ALX3: variants seen among roughly 807,000 people sequenced by gnomAD.
ALX3 encodes the protein ALX homeobox 3.
Under a neutral mutation model 26.3 loss-of-function variants are expected in ALX3, and 17 were observed. The observed-to-expected ratio is 0.65, with a 90% CI of 0.44 to 0.97. The LOEUF (loss-of-function observed/expected upper bound fraction) is 0.97, where lower values mean the gene tolerates loss of function less well. Among genes scored for constraint, ALX3 ranks in the 50% least tolerant of loss-of-function variants. ALX3 has a pLI of 0.00. For missense variants in ALX3, 461 were observed against 466.5 expected, an observed-to-expected ratio of 0.99 and a Z score of 0.11; for synonymous variants, 208 against 201.4, an observed-to-expected ratio of 1.03 and a Z score of -0.28.
intron 2 of ALX3, chr1:110,062,065 GCCCCT>G (rs1653662002): frequency 6.3e-6 from 1 of 157,812 alleles, no homozygotes; most frequent in Non-Finnish European, 1.4e-5. Context: ...TCTTAACAAG[GCCCCT>G]GCCTCTCTGC....
At chr1:110,061,291 AG>A in intron 3 of ALX3, 143 bp downstream of exon 3, 1 of 1,325,286 alleles carries the variant, frequency 7.5e-7, no homozygotes, top group Non-Finnish European at 1.0e-6. Context: ...GACAGGCAAG[AG>A]CCCCGGTTTG....
At chr1:110,064,295 AC>A in intron 2 of ALX3, among the ~76,000 whole-genome samples, 1 of 152,174 alleles carries the variant, frequency 6.6e-6, no homozygotes, top group East Asian at 1.9e-4. Context: ...CTATTAACAT[AC>A]CCCAAATCAC....
At chr1:110,068,462 C>T (rs915746305) in intron 1 of ALX3, among the ~76,000 whole-genome samples, 3 of 152,236 alleles carry the variant, frequency 2.0e-5, no homozygotes, top group African/African-American at 7.2e-5. Context: ...CTAGCGGCCG[C>T]CAGGATCTCT....
At position 110,064,799 on chromosome 1, in the gene ALX3, A is replaced by T. The variant is rs1011257958; in HGVS notation, c.382T>A (p.Cys128Ser). ...AGAGGAAGATGCAGGCTGGCCAGGCAGGGGCCTGGGGAGCCTTGCAAGTTA... is the reference window on the plus strand; with the variant it reads ...AGAGGAAGATGCAGGCTGGCCAGGCTGGGGCCTGGGGAGCCTTGCAAGTTA... Reference protein sequence around the residue: ...PSNLQGSPGPCLASLHLPLSP... With the variant: ...PSNLQGSPGPSLASLHLPLSP... Residue 128 changes from cysteine (C) to serine (S), a missense_variant, in exon 2 of 4, where the codon TGC (cysteine) becomes AGC (serine). By Grantham distance (112) the Cys-to-Ser change is moderately radical. Transcript: ENST00000647563. The T allele has an allele frequency of 6.2e-6, 10 of 1,614,094 alleles. No homozygotes were observed. Among genetic ancestry groups the T allele is most frequent in the Non-Finnish European group, 8.5e-6 (10 of 1,180,034 alleles).
intron 3 of ALX3, 139 bp downstream of exon 3, chr1:110,061,296 C>A: frequency 1.5e-6 from 2 of 1,351,228 alleles, no homozygotes; most frequent in Non-Finnish European, 1.0e-6. Context: ...GCAAGAGCCC[C>A]GGTTTGCAGA....
At position 110,064,954 on chromosome 1, in the gene ALX3, G is replaced by A. The variant is rs1344088306; in HGVS notation, c.278-51C>T. ...GATGGCAACTGAACCAGGGGCTTTT[G>A]TGGGTTGGAATGGAGGGAGGGGGAA... is the stretch of plus-strand genomic sequence containing the variant. On this transcript the variant is annotated intron_variant, in intron 1 of 3. Coordinates refer to ENST00000647563, the MANE Select transcript of ALX3 (RefSeq NM_006492.3). 2.0e-6 allele frequency: 3 copies of A among 1,529,320 alleles called. No individual in the cohort carries two copies. The South Asian group carries it at 3.8e-5, about 19-fold the overall frequency. The allele number at this position is 1,529,320 out of a possible 1,614,324, so 94.7% of individuals were successfully genotyped here.
chr1:110,066,579 C>CCG (rs1553196625), intron 1 of ALX3, among the ~76,000 whole-genome samples: 1 of 126,316 alleles, frequency 7.9e-6, no homozygotes, highest in South Asian at 3.5e-4. Context: ...ACATCCCCCC[C>CCG]CCCCGCCCCC....
At chr1:110,062,526 T>C (rs1016648676) in intron 2 of ALX3, 15 of 150,940 alleles carry the variant, frequency 9.9e-5, no homozygotes, top group African/African-American at 3.7e-4. Context: ...AATTTAACAA[T>C]GTCAAAATAA....
intron 2 of ALX3, chr1:110,062,443 A>G (rs1253361591): frequency 6.6e-6 from 1 of 152,216 alleles, no homozygotes; most frequent in Non-Finnish European, 1.5e-5. Flanking sequence ...TGACTGTTAC[A>G]TTTAACTGTA....
chr1:110,067,691 G>C (rs1251657671), intron 1 of ALX3, among the ~76,000 whole-genome samples: 3 of 152,232 alleles, frequency 2.0e-5, no homozygotes, highest in Non-Finnish European at 4.4e-5. Context: ...CTTGTCCCGC[G>C]CCGCACTGTT....
At chr1:110,061,199 C>A in intron 3 of ALX3, 158 bp from the exon 4 acceptor site, 1 of 1,001,424 alleles carries the variant, frequency 1.0e-6, no homozygotes, top group Admixed American at 2.4e-5. Flanking sequence ...CTGGCAGTGG[C>A]ATCTCAGGAG....
chr1:110,067,045 A>G (rs868784080), intron 1 of ALX3, among the ~76,000 whole-genome samples: 1 of 152,184 alleles, frequency 6.6e-6, no homozygotes, highest in African/African-American at 2.4e-5. Context: ...CATTGCCCTG[A>G]AACCTCCTTG....
At chr1:110,068,828 T>A (rs1653849216) in intron 1 of ALX3, among the ~76,000 whole-genome samples, 1 of 152,234 alleles carries the variant, frequency 6.6e-6, no homozygotes, top group Non-Finnish European at 1.5e-5. Flanking sequence ...TCTTTGGTTT[T>A]CTTTCTCGGT....
At position 110,061,001 on chromosome 1, in the gene ALX3, G is replaced by T; in HGVS notation, c.764C>A (p.Pro255His). 1 of 1,611,658 alleles carries T rather than the reference G, an allele frequency of 6.2e-7. No homozygotes were observed. The highest frequency in any genetic ancestry group is 1.3e-5 in the African/African-American group (1 of 75,012). Residue 255 changes from proline to histidine, a missense_variant, in exon 4 of 4, where the codon CCT (proline) becomes CAT (histidine). Physicochemically the swap from Pro to His is moderately conservative, Grantham distance 77 (BLOSUM62 -2). This residue lies in a region of ALX3 where 169 missense variants were observed against 178.0 expected (regional missense o/e 0.95). Coordinates refer to ENST00000647563, the MANE Select transcript of ALX3 (RefSeq NM_006492.3). ...TGGAGACACAAGGCAGGGGCCTCCAGGGCTCCCAGATCCTGGACTGGCCCA... is the reference window on the plus strand; with the variant it reads ...TGGAGACACAAGGCAGGGGCCTCCATGGCTCCCAGATCCTGGACTGGCCCA... ...SLWASPGSGSPGGPCLVSPEG... is the reference protein window; with the variant it reads ...SLWASPGSGSHGGPCLVSPEG...
chr1:110,067,331 C>G (rs145377355), intron 1 of ALX3, among the ~76,000 whole-genome samples: 4 of 152,202 alleles, frequency 2.6e-5, no homozygotes, highest in African/African-American at 9.7e-5. Context: ...GCACCTGATC[C>G]GGACACTAGG....
intron 2 of ALX3, among the ~76,000 whole-genome samples, chr1:110,063,283 T>G (rs1653697641): frequency 6.6e-6 from 1 of 152,174 alleles, no homozygotes; most frequent in African/African-American, 2.4e-5. Flanking sequence ...TCCCATGGCT[T>G]ATATCATCTG....
rs150660098 is a variant in ALX3, at chr1:110,064,767, C to T, written c.414G>A (p.Pro138=). 586 of 1,614,206 alleles carry T rather than the reference C, an allele frequency of 3.6e-4. 3 individuals are homozygous for T. In the African/African-American group the frequency reaches 5.1e-3, roughly 14 times the overall value. The part of the protein sequence containing the change: ...CLASLHLPLS[P]GLPDSMELAK... ...CCAACTCCATGGAGTCAGGGAGTCC[C>T]GGGGAAAGAGGAAGATGCAGGCTGG... The change falls in exon 2 of 4, where the codon CCG becomes CCA. Residue 138 remains proline, a synonymous_variant. Coordinates refer to ENST00000647563, the MANE Select transcript of ALX3 (RefSeq NM_006492.3).
rs768080424 is a variant in ALX3 at position 110,064,768 on chromosome 1, G to T, written c.413C>A (p.Pro138Gln). The change falls in exon 2 of 4, where the codon CCG (proline) becomes CAG (glutamine). Residue 138 changes from proline (P) to glutamine (Q), a missense_variant. By Grantham distance (76) the Pro-to-Gln change is moderately conservative (BLOSUM62 -1). Around this residue, in one of 3 missense-constraint regions of ALX3, gnomAD observed 241 missense variants for 206.1 expected, o/e 1.17. Coordinates refer to ENST00000647563, the MANE Select transcript of ALX3 (RefSeq NM_006492.3). The stretch of plus-strand genomic sequence containing the variant: ...CAACTCCATGGAGTCAGGGAGTCCC[G>T]GGGAAAGAGGAAGATGCAGGCTGGC... ...CLASLHLPLS[P>Q]GLPDSMELAK... 5 of 1,614,228 alleles carry T rather than the reference G, an allele frequency of 3.1e-6. No homozygotes were observed. The highest frequency in any genetic ancestry group is 8.5e-7 in the Non-Finnish European group (1 of 1,180,048).
intron 2 of ALX3, among the ~76,000 whole-genome samples, chr1:110,064,239 TC>T (rs1653724169): frequency 6.6e-6 from 1 of 152,182 alleles, no homozygotes. Context: ...ACGCAGCCAG[TC>T]CCATCATTCC....
Sources: allele counts gnomAD v4.1 joint callset (sites outside exome capture counted in the v4.1 genomes callset), GRCh38; gene constraint gnomAD v4.1.1; regional missense constraint gnomAD v4.1.1; transcripts MANE v1.5; gene names NCBI Gene and HGNC (gene_info 2026-07-23, HGNC 2026-07-21).